Variants in UBE2D2 observed in about 807,000 individuals in gnomAD.
UBE2D2 encodes ubiquitin conjugating enzyme E2 D2, also known as ubiquitin-conjugating enzyme E2 D2.
In UBE2D2, 2 loss-of-function variants were observed where a neutral mutation model predicts 24.2. The observed-to-expected ratio is 0.08, with a 90% CI of 0.03 to 0.26. The LOEUF is 0.26. Ranked by LOEUF, UBE2D2 falls within the 10% of genes least tolerant of loss-of-function variation. UBE2D2 has a pLI of 1.00. For missense variants in UBE2D2, 44 were observed against 177.6 expected (o/e 0.25, Z 4.28); for synonymous variants, 58 against 56.5 (o/e 1.03, Z -0.12).
intron 2 of UBE2D2, among the ~76,000 whole-genome samples, chr5:139,609,086 C>CA (rs539562256): frequency 0.042 from 5,760 of 138,564 alleles, 165 homozygotes; most frequent in Middle Eastern, 0.12. Flanking sequence ...GACTCCATCT[C>CA]AAAAAAAAAA....
chr5:139,552,516 T>C (rs960321800), intron 1 of UBE2D2, among the ~76,000 whole-genome samples: 7 of 149,500 alleles, frequency 4.7e-5, no homozygotes, highest in Non-Finnish European at 1.0e-4. Context: ...TTTCTTTTTT[T>C]TTTTTTTTTG....
At position 139,627,003 on chromosome 5, in the gene UBE2D2, G is replaced by T. The variant is rs554505544; in HGVS notation, c.*202G>T. 12 of 522,950 alleles carry T rather than the reference G, an allele frequency of 2.3e-5. No homozygotes were observed. The South Asian group carries it at 2.7e-4, about 12-fold the overall frequency. The allele number at this position is 522,950 out of a possible 1,614,324, so 32.4% of individuals were successfully genotyped here. A position where few individuals can be genotyped will look rare whatever the true frequency, so the allele number is the denominator to read the frequency against. On this transcript the variant is annotated 3_prime_UTR_variant, in exon 7 of 7. Transcript: ENST00000398733. ...AATACTGTACTTCTGTACCAACATTGCCTCCTAGCAGAGAAGTGTGTGTGT... is the reference window on the plus strand; with the variant it reads ...AATACTGTACTTCTGTACCAACATTTCCTCCTAGCAGAGAAGTGTGTGTGT...
intron 2 of UBE2D2, among the ~76,000 whole-genome samples, chr5:139,613,536 T>C (rs909632198): frequency 2.0e-5 from 3 of 152,230 alleles, no homozygotes; most frequent in Admixed American, 6.5e-5. Flanking sequence ...ATTAGAAGTA[T>C]CCCTGGAGCT....
intron 2 of UBE2D2, among the ~76,000 whole-genome samples, chr5:139,604,140 C>CTTT (rs558742235): frequency 2.9e-5 from 4 of 140,332 alleles, no homozygotes; most frequent in Admixed American, 7.2e-5. Flanking sequence ...ATTTTTAAAA[C>CTTT]TTTTTTTTTT....
intron 1 of UBE2D2, among the ~76,000 whole-genome samples, chr5:139,541,045 C>T (rs1157655339): frequency 6.6e-6 from 1 of 150,826 alleles, no homozygotes; most frequent in Non-Finnish European, 1.5e-5. Context: ...TCCCTGTAAT[C>T]CCAACCCTTT....
intron 1 of UBE2D2, among the ~76,000 whole-genome samples, chr5:139,549,990 T>C (rs1284208482): frequency 6.6e-6 from 1 of 152,230 alleles, no homozygotes; most frequent in Non-Finnish European, 1.5e-5. Flanking sequence ...CAATTAGCAC[T>C]CTGTGTCTAG....
upstream of UBE2D2, among the ~76,000 whole-genome samples, chr5:139,559,321 G>T (rs1753021820): frequency 6.6e-6 from 1 of 151,834 alleles, no homozygotes; most frequent in Non-Finnish European, 1.5e-5. Flanking sequence ...CAGCTACTCG[G>T]GAGGCTGAGG....
At chr5:139,558,359 C>A (rs1191886731), upstream of UBE2D2, among the ~76,000 whole-genome samples, 1 of 152,216 alleles carries the variant, frequency 6.6e-6, no homozygotes, top group Non-Finnish European at 1.5e-5. Flanking sequence ...GCGATCTCAG[C>A]TCACTGCAAG....
intron 1 of UBE2D2, among the ~76,000 whole-genome samples, chr5:139,580,561 A>G (rs1753578182): frequency 6.6e-6 from 1 of 152,042 alleles, no homozygotes; most frequent in Non-Finnish European, 1.5e-5. Flanking sequence ...TCCCGGGTTT[A>G]AGCAATTCTC....
chr5:139,582,224 C>CTGA (rs1753618760), intron 1 of UBE2D2, among the ~76,000 whole-genome samples: 1 of 151,694 alleles, frequency 6.6e-6, no homozygotes. Context: ...AGTCATCCTT[C>CTGA]TGCCTTGGCC....
intron 5 of UBE2D2, among the ~76,000 whole-genome samples, chr5:139,615,228 T>C (rs1754398435): frequency 6.6e-6 from 1 of 152,194 alleles, no homozygotes; most frequent in Non-Finnish European, 1.5e-5. Context: ...CTCATGCCTG[T>C]AATCTCAGCA....
intron 2 of UBE2D2, among the ~76,000 whole-genome samples, chr5:139,610,812 C>T (rs1581528405): frequency 6.6e-6 from 1 of 151,986 alleles, no homozygotes; most frequent in Non-Finnish European, 1.5e-5. Flanking sequence ...AGGTTGCGCC[C>T]TTTACTCCAG....
intron 1 of UBE2D2, among the ~76,000 whole-genome samples, chr5:139,576,008 G>A (rs1427841087): frequency 1.3e-5 from 2 of 152,136 alleles, no homozygotes; most frequent in South Asian, 2.1e-4. Flanking sequence ...GTGACAGAGC[G>A]AGATCCTGAC....
At chr5:139,610,495 A>G (rs1289525991) in intron 2 of UBE2D2, among the ~76,000 whole-genome samples, 2 of 151,940 alleles carry the variant, frequency 1.3e-5, no homozygotes, top group African/African-American at 4.8e-5. Flanking sequence ...AGCTGAGATC[A>G]TGCCATTGCA....
Position 139,626,859 on chromosome 5 carries a change from A to G in UBE2D2, c.*58A>G. 1 of 1,491,186 alleles carries G rather than the reference A, an allele frequency of 6.7e-7. No individual in the cohort carries two copies. The highest frequency in any genetic ancestry group is 9.3e-7 in the Non-Finnish European group (1 of 1,077,704). 92.4% of individuals were successfully genotyped at this position (1,491,186 alleles called of 1,614,324 possible). On this transcript the variant is annotated 3_prime_UTR_variant, in exon 7 of 7. Transcript: ENST00000398733. Reference sequence around the variant, plus strand: ...AAGATAGGGGAACTCTGAAAGAGAAAGTCCTTTTGATTTCCATTTGACTGC... The same window carrying G: ...AAGATAGGGGAACTCTGAAAGAGAAGGTCCTTTTGATTTCCATTTGACTGC...
intron 1 of UBE2D2, among the ~76,000 whole-genome samples, chr5:139,554,739 A>G (rs1290186996): frequency 6.6e-6 from 1 of 151,758 alleles, no homozygotes; most frequent in African/African-American, 2.4e-5. Flanking sequence ...CTTAATAAGA[A>G]ATCACCAAAC....
intron 1 of UBE2D2, among the ~76,000 whole-genome samples, chr5:139,596,158 C>T (rs1471941927): frequency 6.6e-6 from 1 of 151,882 alleles, no homozygotes; most frequent in East Asian, 1.9e-4. Flanking sequence ...TCCCAAAGTG[C>T]TGGGATTACA....
chr5:139,540,461 G>A (rs1430692892), intron 1 of UBE2D2, among the ~76,000 whole-genome samples: 1 of 151,092 alleles, frequency 6.6e-6, no homozygotes, highest in East Asian at 2.0e-4. Context: ...CAGGAGAATG[G>A]CGTGAACCCG....
intron 1 of UBE2D2, among the ~76,000 whole-genome samples, chr5:139,594,546 T>G (rs1224046026): frequency 6.6e-6 from 1 of 152,108 alleles, no homozygotes; most frequent in Non-Finnish European, 1.5e-5. Flanking sequence ...CCTGGGTAGC[T>G]GGAATTAGAG....
Sources: gnomAD v4.1 joint callset for allele counts (sites outside exome capture counted in the v4.1 genomes callset) on GRCh38, gnomAD v4.1.1 for gene constraint, MANE v1.5 for transcripts, NCBI Gene and HGNC (gene_info 2026-07-23, HGNC 2026-07-21) for gene names.